The following NLRP2B variants were observed in gnomAD, a reference collection of about 807,000 sequenced individuals.
The protein encoded by NLRP2B is NLR family pyrin domain-containing protein 2B.
For synonymous variants in NLRP2B, 16 were observed against 3.5 expected, an observed-to-expected ratio of 4.63 and a Z score of -4.03; for missense variants, 25 against 6.8, an observed-to-expected ratio of 3.70 and a Z score of -3.00.
rs901519709 is a variant in NLRP2B, at chrX:57,679,677, G to T, written c.*446C>A. Reference sequence around the variant, plus strand: ...AGGGCCCGGGAAGCACCCTGGGGTTGCTGAACGGGATCAGCATCTTGTATC... The same window carrying T: ...AGGGCCCGGGAAGCACCCTGGGGTTTCTGAACGGGATCAGCATCTTGTATC... On this transcript the variant is annotated 3_prime_UTR_variant, in exon 1 of 1. Coordinates refer to ENST00000434992, the MANE Select transcript of NLRP2B (RefSeq NM_001319967.1). 4.0e-5 allele frequency: 18 copies of T among 448,432 alleles called. No homozygotes were observed. In the South Asian group the frequency reaches 7.3e-4, roughly 18 times the overall value. The allele number at this position is 448,432 out of a possible 1,213,427, so 37.0% of individuals were successfully genotyped here.
At position 57,679,770 on chromosome X, in the gene NLRP2B, C is replaced by A; in HGVS notation, c.*353G>T. ...TTTTCCACATTTGCCAGAACTTCGT[C>A]TTCAATATACTCCTGTACCTATCCT... On this transcript the variant is annotated 3_prime_UTR_variant, in exon 1 of 1. Coordinates refer to ENST00000434992, the MANE Select transcript of NLRP2B (RefSeq NM_001319967.1). 1 of 364,583 alleles carries A rather than the reference C, an allele frequency of 2.7e-6. No homozygotes were observed. Among genetic ancestry groups the A allele is most frequent in the South Asian group, 6.8e-5 (1 of 14,678 alleles). The allele number at this position is 364,583 out of a possible 1,213,427, so 30.0% of individuals were successfully genotyped here. A position where few individuals can be genotyped will look rare whatever the true frequency, so the allele number is the denominator to read the frequency against.
Position 57,679,853 on chromosome X carries a change from C to T in NLRP2B, c.*270G>A, listed in dbSNP as rs1178995906. 3.5e-6 allele frequency: 1 copy of T among 285,276 alleles called. No homozygotes were observed. The highest frequency in any genetic ancestry group is 2.8e-5 in the African/African-American group (1 of 35,965). The allele number at this position is 285,276 out of a possible 1,213,427, so 23.5% of individuals were successfully genotyped here. On this transcript the variant is annotated 3_prime_UTR_variant, in exon 1 of 1. Transcript: ENST00000434992. ...TTAGCTTCTCTTAGGCTGGTGACATCTTCCTCCGTTTCTATAAACTCTAGT... is the reference window on the plus strand; with the variant it reads ...TTAGCTTCTCTTAGGCTGGTGACATTTTCCTCCGTTTCTATAAACTCTAGT...
Position 57,677,700 on chromosome X carries a change from T to G in NLRP2B, c.*2423A>C. ...CAGCAGCAAAGTTCTTGCAATTGCC[T>G]TCTATAAAGTGACAGTTTTCCAACA... On this transcript the variant is annotated 3_prime_UTR_variant, in exon 1 of 1. Transcript: ENST00000434992. 1 of 357,830 alleles carries G rather than the reference T, an allele frequency of 2.8e-6. No homozygotes were observed. Among genetic ancestry groups the G allele is most frequent in the East Asian group, 6.6e-5 (1 of 15,166 alleles). 29.5% of individuals were successfully genotyped at this position (357,830 alleles called of 1,213,427 possible). A position where few individuals can be genotyped will look rare whatever the true frequency, so the allele number is the denominator to read the frequency against.
Position 57,678,537 on chromosome X carries a change from C to T in NLRP2B, c.*1586G>A, listed in dbSNP as rs372307831. 7.9e-5 allele frequency: 40 copies of T among 508,025 alleles called. No individual in the cohort carries two copies. The African/African-American group carries it at 9.0e-4, about 11-fold the overall frequency. The allele number at this position is 508,025 out of a possible 1,213,427, so 41.9% of individuals were successfully genotyped here. On this transcript the variant is annotated 3_prime_UTR_variant, in exon 1 of 1. Transcript: ENST00000434992. Reference sequence around the variant, plus strand: ...ATTCCTTTTTGATCTCCGGTGACATCAGGCAGCCCAAAGTGGTCTCCAACT... The same window carrying T: ...ATTCCTTTTTGATCTCCGGTGACATTAGGCAGCCCAAAGTGGTCTCCAACT...
In NLRP2B at chrX:57,678,544, C is replaced by A; in HGVS notation, c.*1579G>T. The stretch of plus-strand genomic sequence containing the variant: ...TTTGATCTCCGGTGACATCAGGCAG[C>A]CCAAAGTGGTCTCCAACTCCTTGGC... On this transcript the variant is annotated 3_prime_UTR_variant, in exon 1 of 1. Transcript: ENST00000434992. 1 of 504,576 alleles carries A rather than the reference C, an allele frequency of 2.0e-6. No individual in the cohort carries two copies. Among genetic ancestry groups the A allele is most frequent in the South Asian group, 2.6e-5 (1 of 37,769 alleles). The allele number at this position is 504,576 out of a possible 1,213,427, so 41.6% of individuals were successfully genotyped here. A position where few individuals can be genotyped will look rare whatever the true frequency, so the allele number is the denominator to read the frequency against.
rs902697106 is a variant in NLRP2B, at chrX:57,679,400, C to A, written c.*723G>T. The stretch of plus-strand genomic sequence containing the variant: ...GGTGGGGCTCCCAGCTCATCAAAGC[C>A]GTCGACCACGAACAGGATTTTCTGT... On this transcript the variant is annotated 3_prime_UTR_variant, in exon 1 of 1. Transcript: ENST00000434992. 9.1e-6 allele frequency: 8 copies of A among 875,073 alleles called. No homozygotes were observed. Among genetic ancestry groups the A allele is most frequent in the Non-Finnish European group, 1.3e-5 (8 of 594,708 alleles). 72.1% of individuals were successfully genotyped at this position (875,073 alleles called of 1,213,427 possible). A position where few individuals can be genotyped will look rare whatever the true frequency, so the allele number is the denominator to read the frequency against.
chrX:57,679,097 C>T lies in NLRP2B; in HGVS notation c.*1026G>A, dbSNP rs1444366090. ...GTGCCGAGACAGGCTGGAACAGGGC[C>T]GCGTTTCTTCTCATCAGCTCAAAGG... On this transcript the variant is annotated 3_prime_UTR_variant, in exon 1 of 1. Coordinates refer to ENST00000434992, the MANE Select transcript of NLRP2B (RefSeq NM_001319967.1). 4.5e-6 allele frequency: 2 copies of T among 442,870 alleles called. No individual in the cohort carries two copies. The highest frequency in any genetic ancestry group is 2.7e-5 in the South Asian group (1 of 36,701). 36.5% of individuals were successfully genotyped at this position (442,870 alleles called of 1,213,427 possible).
In NLRP2B at chrX:57,677,391, C is replaced by T; in HGVS notation, c.*2732G>A. The T allele has an allele frequency of 2.8e-6, 1 of 354,908 alleles. No homozygotes were observed. Among genetic ancestry groups the T allele is most frequent in the Non-Finnish European group, 5.5e-6 (1 of 181,710 alleles). 29.2% of individuals were successfully genotyped at this position (354,908 alleles called of 1,213,427 possible). A position where few individuals can be genotyped will look rare whatever the true frequency, so the allele number is the denominator to read the frequency against. On this transcript the variant is annotated 3_prime_UTR_variant, in exon 1 of 1. Transcript: ENST00000434992. ...AACACCCCCACAACCACAGACATCT[C>T]AAGTTACACAGTGGTTTCTTCAAAG...
Position 57,679,141 on chromosome X carries a change from C to T in NLRP2B, c.*982G>A, listed in dbSNP as rs1039726391. ...TCAAAGGCACACATGGCTTGGTCCT[C>T]GTCTCCAAAGTGTCTCAGGAAATAT... is the stretch of plus-strand genomic sequence containing the variant. On this transcript the variant is annotated 3_prime_UTR_variant, in exon 1 of 1. Transcript: ENST00000434992. The T allele has an allele frequency of 3.0e-5, 14 of 473,268 alleles. No individual in the cohort carries two copies. Among genetic ancestry groups the T allele is most frequent in the Admixed American group, 2.5e-5 (1 of 40,386 alleles). 39.0% of individuals were successfully genotyped at this position (473,268 alleles called of 1,213,427 possible).
In NLRP2B at chrX:57,677,861, C is replaced by T. The variant is rs181514831; in HGVS notation, c.*2262G>A. 314 of 426,650 alleles carry T rather than the reference C, an allele frequency of 7.4e-4. No individual in the cohort carries two copies. Among genetic ancestry groups the T allele is most frequent in the African/African-American group, 6.5e-3 (266 of 40,737 alleles). The allele number at this position is 426,650 out of a possible 1,213,427, so 35.2% of individuals were successfully genotyped here. Reference sequence around the variant, plus strand: ...ACTTCAAGGGCCAAGGAGAGATCAGCCCATTGCTAAGTGGTGGTGGAAAAA... The same window carrying T: ...ACTTCAAGGGCCAAGGAGAGATCAGTCCATTGCTAAGTGGTGGTGGAAAAA... On this transcript the variant is annotated 3_prime_UTR_variant, in exon 1 of 1. Coordinates refer to ENST00000434992, the MANE Select transcript of NLRP2B (RefSeq NM_001319967.1).
chrX:57,678,711 C>T lies in NLRP2B; in HGVS notation c.*1412G>A. 4 of 402,119 alleles carry T rather than the reference C, an allele frequency of 9.9e-6. No individual in the cohort carries two copies. The highest frequency in any genetic ancestry group is 3.3e-5 in the Admixed American group (1 of 30,652). The allele number at this position is 402,119 out of a possible 1,213,427, so 33.1% of individuals were successfully genotyped here. A position where few individuals can be genotyped will look rare whatever the true frequency, so the allele number is the denominator to read the frequency against. On this transcript the variant is annotated 3_prime_UTR_variant, in exon 1 of 1. Transcript: ENST00000434992. ...CGTCCTTGTCCTCCTCCTCCTCCTC[C>T]TCCTCCTTCTCCAGGGCGTGGAACA...
Position 57,679,258 on chromosome X carries a change from G to A in NLRP2B, c.*865C>T, listed in dbSNP as rs1032728610. On this transcript the variant is annotated 3_prime_UTR_variant, in exon 1 of 1. Coordinates refer to ENST00000434992, the MANE Select transcript of NLRP2B (RefSeq NM_001319967.1). ...AGGTCTCTCAGGGCCCGCAGGCCACGTGGTGACCAGCACGGCGGCCCTGGG... is the reference window on the plus strand; with the variant it reads ...AGGTCTCTCAGGGCCCGCAGGCCACATGGTGACCAGCACGGCGGCCCTGGG... 10 of 455,560 alleles carry A rather than the reference G, an allele frequency of 2.2e-5. No homozygotes were observed. Among genetic ancestry groups the A allele is most frequent in the African/African-American group, 1.9e-4 (8 of 41,470 alleles). The allele number at this position is 455,560 out of a possible 1,213,427, so 37.5% of individuals were successfully genotyped here.
rs2011718269 is a variant in NLRP2B at position 57,677,625 on chromosome X, G to A, written c.*2498C>T. ...ACATCACCCATGTATCCCCGAGTGG[G>A]GGGTTCTTGGCCAAGCACAGGTGTG... On this transcript the variant is annotated 3_prime_UTR_variant, in exon 1 of 1. Transcript: ENST00000434992. 12 of 312,929 alleles carry A rather than the reference G, an allele frequency of 3.8e-5. No homozygotes were observed. Among genetic ancestry groups the A allele is most frequent in the South Asian group, 2.6e-4 (7 of 26,982 alleles). The allele number at this position is 312,929 out of a possible 1,213,427, so 25.8% of individuals were successfully genotyped here.
chrX:57,677,652 C>T lies in NLRP2B; in HGVS notation c.*2471G>A, dbSNP rs2011718959. 3.1e-6 allele frequency: 1 copy of T among 327,083 alleles called. No homozygotes were observed. The highest frequency in any genetic ancestry group is 2.6e-5 in the African/African-American group (1 of 38,083). The allele number at this position is 327,083 out of a possible 1,213,427, so 27.0% of individuals were successfully genotyped here. Reference sequence around the variant, plus strand: ...GGTTCTTGGCCAAGCACAGGTGTGTCAGCTCCCCGCTGACAACCAAAACAG... The same window carrying T: ...GGTTCTTGGCCAAGCACAGGTGTGTTAGCTCCCCGCTGACAACCAAAACAG... On this transcript the variant is annotated 3_prime_UTR_variant, in exon 1 of 1. Transcript: ENST00000434992.
Position 57,679,308 on chromosome X carries a change from C to T in NLRP2B, c.*815G>A. 2 of 524,220 alleles carry T rather than the reference C, an allele frequency of 3.8e-6. No homozygotes were observed. The highest frequency in any genetic ancestry group is 6.7e-6 in the Non-Finnish European group (2 of 296,981). The allele number at this position is 524,220 out of a possible 1,213,427, so 43.2% of individuals were successfully genotyped here. A position where few individuals can be genotyped will look rare whatever the true frequency, so the allele number is the denominator to read the frequency against. ...GTAAAATCTTCCTCTTCAGTAACCTCCCCAAGAAGACCGGCACCGGCTTCT... is the reference window on the plus strand; with the variant it reads ...GTAAAATCTTCCTCTTCAGTAACCTTCCCAAGAAGACCGGCACCGGCTTCT... On this transcript the variant is annotated 3_prime_UTR_variant, in exon 1 of 1. Transcript: ENST00000434992.
At position 57,679,177 on chromosome X, in the gene NLRP2B, CCTT is replaced by C; in HGVS notation, c.*943_*945del. On this transcript the variant is annotated 3_prime_UTR_variant, in exon 1 of 1. Coordinates refer to ENST00000434992, the MANE Select transcript of NLRP2B (RefSeq NM_001319967.1). ...TGTCTCAGGAAATATGCCCTCCTGTCCTTCTCCAGGAACTCCTCCACCCTTACA... is the reference window on the plus strand; with the variant it reads ...TGTCTCAGGAAATATGCCCTCCTGTCCTCCAGGAACTCCTCCACCCTTACA... The C allele has an allele frequency of 6.4e-6, 3 of 471,418 alleles. No individual in the cohort carries two copies. Among genetic ancestry groups the C allele is most frequent in the Non-Finnish European group, 1.2e-5 (3 of 253,434 alleles). 38.9% of individuals were successfully genotyped at this position (471,418 alleles called of 1,213,427 possible). A position where few individuals can be genotyped will look rare whatever the true frequency, so the allele number is the denominator to read the frequency against.
In NLRP2B at chrX:57,679,370, C is replaced by T. The variant is rs1272975405; in HGVS notation, c.*753G>A. The T allele has an allele frequency of 4.2e-6, 3 of 706,418 alleles. No homozygotes were observed. Among genetic ancestry groups the T allele is most frequent in the African/African-American group, 4.2e-5 (2 of 47,763 alleles). 58.2% of individuals were successfully genotyped at this position (706,418 alleles called of 1,213,427 possible). On this transcript the variant is annotated 3_prime_UTR_variant, in exon 1 of 1. Transcript: ENST00000434992. ...TCCCCACAGATGTCCTAGATCAGTG[C>T]CCCAGGTGGGGCTCCCAGCTCATCA...
rs187292546 is a variant in NLRP2B, at chrX:57,678,948, C to A, written c.*1175G>T. 8.7e-6 allele frequency: 4 copies of A among 457,698 alleles called. No individual in the cohort carries two copies. Among genetic ancestry groups the A allele is most frequent in the Middle Eastern group, 1.3e-3 (2 of 1,526 alleles). The allele number at this position is 457,698 out of a possible 1,213,427, so 37.7% of individuals were successfully genotyped here. On this transcript the variant is annotated 3_prime_UTR_variant, in exon 1 of 1. Transcript: ENST00000434992. Reference sequence around the variant, plus strand: ...TCAGCGCCCGCAGCACGCCCCAGAGCTGTGCGCCCTGCGGGAACCGGCCGC... The same window carrying A: ...TCAGCGCCCGCAGCACGCCCCAGAGATGTGCGCCCTGCGGGAACCGGCCGC...
Position 57,677,102 on chromosome X carries a change from C to A in NLRP2B, c.*3021G>T. On this transcript the variant is annotated 3_prime_UTR_variant, in exon 1 of 1. Coordinates refer to ENST00000434992, the MANE Select transcript of NLRP2B (RefSeq NM_001319967.1). ...TAATGAAAAGAAAGCCTTTTTTCCC[C>A]CCCAAAGGATCATGTTTCTCAGTTA... 1 of 268,755 alleles carries A rather than the reference C, an allele frequency of 3.7e-6. No individual in the cohort carries two copies. Among genetic ancestry groups the A allele is most frequent in the South Asian group, 4.1e-5 (1 of 24,238 alleles). The allele number at this position is 268,755 out of a possible 1,213,427, so 22.1% of individuals were successfully genotyped here. A position where few individuals can be genotyped will look rare whatever the true frequency, so the allele number is the denominator to read the frequency against.
Sources: gnomAD v4.1 joint callset for allele counts on GRCh38, gnomAD v4.1.1 for gene constraint, MANE v1.5 for transcripts, NCBI Gene and HGNC (gene_info 2026-07-23, HGNC 2026-07-21) for gene names.